The following DCTN4 variants were observed in gnomAD, a reference collection of about 807,000 sequenced individuals.
The protein encoded by DCTN4 is dynactin subunit 4, also known as dynactin 4 (p62).
In DCTN4, 23 loss-of-function variants were observed where a neutral mutation model predicts 62.7. The observed-to-expected ratio is 0.37, with a 90% CI of 0.26 to 0.52. The LOEUF is 0.52. Ranked by LOEUF, DCTN4 falls within the 20% of genes least tolerant of loss-of-function variation. DCTN4 has a pLI of 0.92. For missense variants in DCTN4, 514 were observed against 580.4 expected (o/e 0.89, Z 1.18); for synonymous variants, 199 against 202.1 (o/e 0.98, Z 0.13).
chr5:150,757,923 C>T (rs1401212487), intron 1 of DCTN4: 1 of 244,042 alleles, frequency 4.1e-6, no homozygotes, highest in Non-Finnish European at 6.6e-6. Flanking sequence ...TGACTTACAG[C>T]GAACACTCTG....
intron 3 of DCTN4, among the ~76,000 whole-genome samples, chr5:150,744,015 C>T (rs1288579120): frequency 6.6e-6 from 1 of 152,080 alleles, no homozygotes; most frequent in Non-Finnish European, 1.5e-5. Context: ...AAATTCGAAC[C>T]AAAGGCAAAG....
intron 2 of DCTN4, among the ~76,000 whole-genome samples, chr5:150,755,203 T>C (rs981901148): frequency 2.0e-5 from 3 of 152,176 alleles, no homozygotes; most frequent in African/African-American, 2.4e-5. Context: ...TGAATATTCA[T>C]AATCCCACTG....
At chr5:150,753,841 G>A (rs1012062452) in intron 2 of DCTN4, among the ~76,000 whole-genome samples, 184 bp from the exon 3 acceptor site, 4 of 152,114 alleles carry the variant, frequency 2.6e-5, no homozygotes, top group South Asian at 2.1e-4. Flanking sequence ...TGCAGTTATC[G>A]CCAAAGTAAG....
chr5:150,718,366 C>T lies in DCTN4; in HGVS notation c.981G>A (p.Leu327=), dbSNP rs1340222211. The change falls in exon 11 of 13, where the codon CTG becomes CTA. Residue 327 remains leucine (L), a synonymous_variant. Transcript: ENST00000447998. ...GGTTCTCAACTGGATTTGTAAGAGT[C>T]AGGAGGACCTGGCTCTCCTGGTGAA... ...LRYMKESQVL[L]TLTNPVENLT... The T allele has an allele frequency of 6.2e-7, 1 of 1,613,740 alleles. No homozygotes were observed. The highest frequency in any genetic ancestry group is 8.5e-7 in the Non-Finnish European group (1 of 1,179,804).
chr5:150,746,817 C>T (rs1441718752), intron 3 of DCTN4, among the ~76,000 whole-genome samples: 1 of 152,156 alleles, frequency 6.6e-6, no homozygotes, highest in African/African-American at 2.4e-5. Context: ...CTATCACAAA[C>T]CCACAGCCAA....
At chr5:150,752,642 T>G (rs1318541338) in intron 3 of DCTN4, among the ~76,000 whole-genome samples, 1 of 152,210 alleles carries the variant, frequency 6.6e-6, no homozygotes, top group South Asian at 2.1e-4. Flanking sequence ...AGAAGGAAGC[T>G]TTAATTTGCA....
In DCTN4 at chr5:150,744,120, G is replaced by C. The variant is rs866289701; in HGVS notation, c.386-1963C>G. 2.1e-4 allele frequency among the ~76,000 whole-genome samples: 32 copies of C among 152,332 alleles called. No individual in the cohort carries two copies. In the Middle Eastern group the frequency reaches 0.02, roughly 97 times the overall value. On this transcript the variant is annotated intron_variant, in intron 3 of 12. Coordinates refer to ENST00000447998, the MANE Select transcript of DCTN4 (RefSeq NM_016221.4). ...AGGAGCTGATGGAGCTGAAAGCCAAGGCTCGAGAACTACATGAAGAATGCA... is the reference window on the plus strand; with the variant it reads ...AGGAGCTGATGGAGCTGAAAGCCAACGCTCGAGAACTACATGAAGAATGCA...
chr5:150,758,526 G>C, intron 1 of DCTN4: 1 of 1,013,732 alleles, frequency 9.9e-7, no homozygotes. Context: ...GCAGTTTTTC[G>C]CCCCTTAAGT....
Position 150,711,377 on chromosome 5 carries a change from A to T in DCTN4, c.1170-15T>A. On this transcript the variant is annotated splice_polypyrimidine_tract_variant and intron_variant, in intron 12 of 12. Transcript: ENST00000447998. ...AGGCTATAATGCTATGGAAAGAAAA[A>T]AAAGCAAGTATTAGGTAGATAAAAA... 1 of 1,606,908 alleles carries T rather than the reference A, an allele frequency of 6.2e-7. No homozygotes were observed. Among genetic ancestry groups the T allele is most frequent in the Non-Finnish European group, 8.5e-7 (1 of 1,175,334 alleles).
At chr5:150,758,750 T>G in intron 1 of DCTN4, 109 bp downstream of exon 1, 3 of 1,483,594 alleles carry the variant, frequency 2.0e-6, no homozygotes, top group Admixed American at 3.8e-5. Context: ...ACGGAAGACA[T>G]AACCAATCAG....
chr5:150,758,270 T>G, intron 1 of DCTN4: 2 of 985,610 alleles, frequency 2.0e-6, no homozygotes, highest in Non-Finnish European at 2.4e-6. Context: ...GACAGCATTG[T>G]CCTCTAGCTC....
chr5:150,752,165 A>C (rs961831409), intron 3 of DCTN4, among the ~76,000 whole-genome samples: 1 of 152,200 alleles, frequency 6.6e-6, no homozygotes, highest in Non-Finnish European at 1.5e-5. Context: ...TCAAGATTTT[A>C]TTAATTTTTT....
At chr5:150,730,200 G>A (rs1760308323) in intron 8 of DCTN4, among the ~76,000 whole-genome samples, 1 of 152,124 alleles carries the variant, frequency 6.6e-6, no homozygotes, top group Admixed American at 6.5e-5. Context: ...TTTCCATTTT[G>A]TTTTTACAAT....
intron 4 of DCTN4, among the ~76,000 whole-genome samples, chr5:150,735,690 T>C (rs1760553190): frequency 6.6e-6 from 1 of 152,128 alleles, no homozygotes; most frequent in African/African-American, 2.4e-5. Context: ...TCCTCTGACA[T>C]AGTCTACCCA....
intron 5 of DCTN4, among the ~76,000 whole-genome samples, chr5:150,732,758 G>C: frequency 6.6e-6 from 1 of 151,896 alleles, no homozygotes; most frequent in Non-Finnish European, 1.5e-5. Flanking sequence ...TAAAACTCGG[G>C]GTAAAATAAC....
At chr5:150,740,429 G>A (rs544450150) in intron 4 of DCTN4, among the ~76,000 whole-genome samples, 21 of 151,344 alleles carry the variant, frequency 1.4e-4, no homozygotes, top group Admixed American at 7.9e-4. Flanking sequence ...CTGGTGAAAA[G>A]GGGACACTTT....
At chr5:150,723,180 C>T (rs1294984881) in intron 8 of DCTN4, among the ~76,000 whole-genome samples, 200 bp from the exon 9 acceptor site, 4 of 152,206 alleles carry the variant, frequency 2.6e-5, no homozygotes, top group African/African-American at 9.6e-5. Flanking sequence ...TGCAACCCCA[C>T]TATCCAATAT....
chr5:150,725,349 A>C (rs1419180553), intron 8 of DCTN4, among the ~76,000 whole-genome samples: 1 of 151,720 alleles, frequency 6.6e-6, no homozygotes, highest in Non-Finnish European at 1.5e-5. Context: ...TACTATATTA[A>C]TGGTGCATTA....
At chr5:150,728,607 T>G (rs113646625) in intron 8 of DCTN4, among the ~76,000 whole-genome samples, 1 of 152,340 alleles carries the variant, frequency 6.6e-6, no homozygotes, top group East Asian at 1.9e-4. Flanking sequence ...GGTTATATCT[T>G]CTTTGTAAAT....
Sources: gnomAD v4.1 joint callset for allele counts (sites outside exome capture counted in the v4.1 genomes callset) on GRCh38, gnomAD v4.1.1 for gene constraint, MANE v1.5 for transcripts, NCBI Gene and HGNC (gene_info 2026-07-23, HGNC 2026-07-21) for gene names.